The following MAGI2 variants were observed in gnomAD, a reference collection of about 807,000 sequenced individuals.
The protein encoded by MAGI2 is membrane associated guanylate kinase, WW and PDZ domain containing 2.
MAGI2 carries 35 observed loss-of-function variants against 133.3 expected under a neutral mutation model. The observed-to-expected ratio is 0.26, with a 90% CI of 0.20 to 0.35. The LOEUF (loss-of-function observed/expected upper bound fraction) is 0.35. MAGI2 is among the 10% of genes least tolerant of loss of function. The pLI is 1.00. For synonymous variants in MAGI2, 729 were observed against 710.6 expected (o/e 1.03, Z -0.41); for missense variants, 1,636 against 1,863.4 (o/e 0.88, Z 2.25).
At chr7:79,304,441 G>A (rs533688967) in intron 1 of MAGI2, among the ~76,000 whole-genome samples, 9 of 151,920 alleles carry the variant, frequency 5.9e-5, no homozygotes, top group Admixed American at 6.6e-5. Flanking sequence ...GATGGGAGAC[G>A]GAAGGTTGAA....
intron 2 of MAGI2, among the ~76,000 whole-genome samples, chr7:78,944,808 C>G (rs1055496955): frequency 6.6e-6 from 1 of 152,046 alleles, no homozygotes; most frequent in African/African-American, 2.4e-5. Context: ...ACAATCACTG[C>G]TCACTGCAAC....
chr7:79,008,849 A>C (rs1334017723), intron 1 of MAGI2: 2 of 152,106 alleles, frequency 1.3e-5, no homozygotes, highest in Admixed American at 1.3e-4. Context: ...AGAAATCCTG[A>C]AATTCTCTTT....
At chr7:78,292,984 GA>G (rs1286499726) in intron 9 of MAGI2, among the ~76,000 whole-genome samples, 2 of 152,168 alleles carry the variant, frequency 1.3e-5, no homozygotes, top group African/African-American at 4.8e-5. Flanking sequence ...AGAAACCCTA[GA>G]AGAAAACCTA....
rs1790880586 is a variant in MAGI2 at position 78,239,274 on chromosome 7, G to C, written c.2047+16669C>G. ...AAATATCAACTCAAAATGGCTCAAAGACTTAAATGTAAAACCTGAAACTAT... is the reference window on the plus strand; with the variant it reads ...AAATATCAACTCAAAATGGCTCAAACACTTAAATGTAAAACCTGAAACTAT... On this transcript the variant is annotated intron_variant, in intron 10 of 21. Coordinates refer to ENST00000354212, the MANE Select transcript of MAGI2 (RefSeq NM_012301.4). Among the ~76,000 whole-genome samples, 5 of 152,094 alleles carry C rather than the reference G, an allele frequency of 3.3e-5. No homozygotes were observed. In the South Asian group the frequency reaches 1.0e-3, roughly 32 times the overall value.
At chr7:78,497,648 G>C (rs1025926024) in intron 5 of MAGI2, among the ~76,000 whole-genome samples, 1 of 152,056 alleles carries the variant, frequency 6.6e-6, no homozygotes, top group Non-Finnish European at 1.5e-5. Flanking sequence ...AACCTATACT[G>C]TTTAATACGT....
At chr7:78,592,195 T>C (rs1199761568) in intron 3 of MAGI2, among the ~76,000 whole-genome samples, 1 of 152,222 alleles carries the variant, frequency 6.6e-6, no homozygotes, top group Non-Finnish European at 1.5e-5. Flanking sequence ...CATCTTCAAA[T>C]GGAGAGATTT....
intron 9 of MAGI2, among the ~76,000 whole-genome samples, chr7:78,290,367 T>C (rs1340432533): frequency 6.6e-6 from 1 of 152,062 alleles, no homozygotes; most frequent in African/African-American, 2.4e-5. Context: ...TACATAATAG[T>C]AAAGGGATCA....
intron 1 of MAGI2, among the ~76,000 whole-genome samples, chr7:79,158,270 A>C (rs1298961560): frequency 6.6e-6 from 1 of 152,064 alleles, no homozygotes; most frequent in African/African-American, 2.4e-5. Context: ...CTATGTATTT[A>C]TGTGTTGTGT....
chr7:79,349,399 G>T (rs1045172701), intron 1 of MAGI2, among the ~76,000 whole-genome samples: 2 of 151,810 alleles, frequency 1.3e-5, no homozygotes, highest in African/African-American at 4.8e-5. Flanking sequence ...TACTTCTTAG[G>T]ATCTCACCTC....
At chr7:79,401,642 T>C (rs1845477944) in intron 1 of MAGI2, among the ~76,000 whole-genome samples, 1 of 152,084 alleles carries the variant, frequency 6.6e-6, no homozygotes, top group African/African-American at 2.4e-5. Context: ...TAACAGTAAT[T>C]AAAAAAATGA....
At chr7:78,637,844 TA>T in intron 2 of MAGI2, among the ~76,000 whole-genome samples, 1 of 152,296 alleles carries the variant, frequency 6.6e-6, no homozygotes, top group Admixed American at 6.5e-5. Context: ...CTCACATCTG[TA>T]ACCCCAGCAC....
intron 1 of MAGI2, among the ~76,000 whole-genome samples, chr7:79,219,007 G>C (rs1323934813): frequency 6.6e-6 from 1 of 152,000 alleles, no homozygotes; most frequent in Non-Finnish European, 1.5e-5. Context: ...AAGAACCCTA[G>C]GGATTTTGCC....
chr7:79,053,951 C>T (rs1172227232), intron 1 of MAGI2, among the ~76,000 whole-genome samples: 1 of 152,094 alleles, frequency 6.6e-6, no homozygotes, highest in Non-Finnish European at 1.5e-5. Flanking sequence ...AATCCCAGCA[C>T]TTTAGGAGGC....
chr7:79,367,876 T>TATATATATATATATATATA (rs59516306), intron 1 of MAGI2, among the ~76,000 whole-genome samples: 1 of 115,058 alleles, frequency 8.7e-6, no homozygotes, highest in African/African-American at 3.2e-5. Flanking sequence ...TATATATATA[T>TATATATATATATATATATA]GTCATTGACT....
chr7:78,849,902 T>TA (rs1237816256), intron 2 of MAGI2, among the ~76,000 whole-genome samples: 1 of 152,038 alleles, frequency 6.6e-6, no homozygotes, highest in Non-Finnish European at 1.5e-5. Context: ...AATTTCTATA[T>TA]AAAAATTCAG....
intron 1 of MAGI2, among the ~76,000 whole-genome samples, chr7:79,029,285 A>G (rs896410472): frequency 6.6e-6 from 1 of 152,210 alleles, no homozygotes; most frequent in Non-Finnish European, 1.5e-5. Context: ...ACTATCCTGT[A>G]TTAATAAAAT....
chr7:79,215,255 G>A (rs1829924754), intron 1 of MAGI2, among the ~76,000 whole-genome samples: 3 of 152,000 alleles, frequency 2.0e-5, no homozygotes, highest in Admixed American at 2.0e-4. Context: ...GATAAAAGCA[G>A]GCCTTGAAAG....
At chr7:79,195,624 C>A (rs1234878358) in intron 1 of MAGI2, among the ~76,000 whole-genome samples, 1 of 151,944 alleles carries the variant, frequency 6.6e-6, no homozygotes, top group Non-Finnish European at 1.5e-5. Flanking sequence ...GCTCAACTGC[C>A]TTTCTGCCCA....
intron 2 of MAGI2, among the ~76,000 whole-genome samples, chr7:78,654,966 C>T (rs1344359315): frequency 6.6e-6 from 1 of 151,450 alleles, no homozygotes; most frequent in Non-Finnish European, 1.5e-5. Flanking sequence ...GTTTTAGCTG[C>T]TACAAAGCCT....
Sources: allele counts gnomAD v4.1 joint callset (sites outside exome capture counted in the v4.1 genomes callset), GRCh38; gene constraint gnomAD v4.1.1; transcripts MANE v1.5; gene names NCBI Gene and HGNC (gene_info 2026-07-23, HGNC 2026-07-21).